Variants in KLF8 observed in about 807,000 individuals in gnomAD.
The protein encoded by KLF8 is Krueppel-like factor 8.
KLF8 carries 10 observed loss-of-function variants against 18.2 expected under a neutral mutation model. That is an observed-to-expected ratio of 0.55 (90% CI 0.34 to 0.93). The LOEUF (loss-of-function observed/expected upper bound fraction) is 0.93. KLF8 is among the 40% of genes least tolerant of loss of function. The pLI, the probability that KLF8 is intolerant of heterozygous loss-of-function variation, is 0.02. For synonymous variants in KLF8, 109 were observed against 97.3 expected (o/e 1.12, Z -0.71); for missense variants, 264 against 277.9 (o/e 0.95, Z 0.36).
chrX:55,919,715 G>C, the KLF8 span, among the ~76,000 whole-genome samples: 2 of 111,300 alleles, frequency 1.8e-5, no homozygotes, highest in Non-Finnish European at 3.8e-5. Context: ...AGCAGCCACA[G>C]CAAGCCCGGC....
chrX:56,005,186 G>A, the KLF8 span, among the ~76,000 whole-genome samples: 2 of 110,565 alleles, frequency 1.8e-5, no homozygotes, highest in South Asian at 7.8e-4. Context: ...GGGATTACAG[G>A]TGGTGGGATT....
the KLF8 span, among the ~76,000 whole-genome samples, chrX:56,200,302 A>G: frequency 9.0e-6 from 1 of 111,143 alleles, no homozygotes; most frequent in African/African-American, 3.3e-5. Context: ...TTAAGAATTA[A>G]AAAAAGGTGA....
At chrX:56,153,686 G>A in the KLF8 span, among the ~76,000 whole-genome samples, 1 of 111,079 alleles carries the variant, frequency 9.0e-6, no homozygotes, top group South Asian at 3.9e-4. Flanking sequence ...AAACCCCATT[G>A]TCTCAGCCCA....
chrX:55,940,070 C>G, the KLF8 span, among the ~76,000 whole-genome samples: 1 of 110,386 alleles, frequency 9.1e-6, no homozygotes, highest in Non-Finnish European at 1.9e-5. Flanking sequence ...AGAGACACAA[C>G]AAAAAAAACA....
chrX:56,152,821 A>C, the KLF8 span, among the ~76,000 whole-genome samples: 1 of 112,306 alleles, frequency 8.9e-6, no homozygotes, highest in African/African-American at 3.2e-5. Flanking sequence ...AGTGTGTACT[A>C]ACAGAGTTAA....
chrX:56,027,229 G>A, the KLF8 span, among the ~76,000 whole-genome samples: 1 of 111,828 alleles, frequency 8.9e-6, no homozygotes. Flanking sequence ...TCAGGTGTTT[G>A]AGGGAGTAGG....
intron 1 of KLF8, among the ~76,000 whole-genome samples, chrX:56,240,781 C>A (rs1263715844): frequency 9.0e-6 from 1 of 111,302 alleles, no homozygotes; most frequent in Admixed American, 9.6e-5. Flanking sequence ...GATTCCAATC[C>A]CAGCTCAATA....
the KLF8 span, among the ~76,000 whole-genome samples, chrX:55,963,980 C>T: frequency 8.1e-5 from 9 of 111,740 alleles, no homozygotes; most frequent in Non-Finnish European, 1.3e-4. Flanking sequence ...TCTCTCAAAA[C>T]TCATAAAATT....
the KLF8 span, among the ~76,000 whole-genome samples, chrX:56,185,541 T>C: frequency 5.7e-3 from 631 of 111,027 alleles, 3 homozygotes; most frequent in Middle Eastern, 0.018. Flanking sequence ...AAGATACTCC[T>C]CGAGAAGAGC....
At chrX:56,276,114 T>C (rs2067118242) in intron 5 of KLF8, among the ~76,000 whole-genome samples, 1 of 110,975 alleles carries the variant, frequency 9.0e-6, no homozygotes, top group South Asian at 3.9e-4. Flanking sequence ...GGTCCTGGGC[T>C]TTCCTTCCTG....
At chrX:56,207,337 A>G in the KLF8 span, among the ~76,000 whole-genome samples, 1,958 of 112,104 alleles carry the variant, frequency 0.017, 37 homozygotes, top group African/African-American at 0.061. Context: ...CAGGCTGCAA[A>G]TTTTTCAAAA....
chrX:56,022,566 A>G, the KLF8 span, among the ~76,000 whole-genome samples: 218 of 105,378 alleles, frequency 2.1e-3, no homozygotes, highest in Non-Finnish European at 3.7e-3. Context: ...AAAAAAAAAA[A>G]AAGAAGAAAA....
chrX:55,908,663 C>T, the KLF8 span: 1 of 287,847 alleles, frequency 3.5e-6, no homozygotes, highest in Non-Finnish European at 6.1e-6. Context: ...CCCATTCCCC[C>T]TAACTCTTCA....
chrX:56,183,938 G>A, the KLF8 span, among the ~76,000 whole-genome samples: 1 of 111,576 alleles, frequency 9.0e-6, no homozygotes, highest in Non-Finnish European at 1.9e-5. Flanking sequence ...CTCCCACCAT[G>A]AGCGATGCAG....
chrX:56,246,463 A>G (rs2066624180), intron 1 of KLF8, among the ~76,000 whole-genome samples: 1 of 112,092 alleles, frequency 8.9e-6, no homozygotes, highest in Non-Finnish European at 1.9e-5. Context: ...TCAACTTGAT[A>G]CATCCTCATA....
chrX:56,270,076 A>C (rs1191442420), intron 4 of KLF8, 106 bp from the exon 5 acceptor site: 1 of 785,874 alleles, frequency 1.3e-6, no homozygotes, highest in Non-Finnish European at 1.8e-6. Flanking sequence ...CATTAAATTC[A>C]CGTAAATTAA....
At chrX:55,984,021 ATG>A in the KLF8 span, among the ~76,000 whole-genome samples, 4 of 108,890 alleles carry the variant, frequency 3.7e-5, no homozygotes, top group African/African-American at 1.3e-4. Flanking sequence ...ATATATATAT[ATG>A]GTGTGTATAT....
At chrX:56,054,797 C>G in the KLF8 span, among the ~76,000 whole-genome samples, 1 of 111,914 alleles carries the variant, frequency 8.9e-6, no homozygotes, top group African/African-American at 3.2e-5. Flanking sequence ...ATATTTATGA[C>G]AGGTCTTCTT....
the KLF8 span, among the ~76,000 whole-genome samples, chrX:56,223,379 A>G: frequency 4.5e-5 from 5 of 112,237 alleles, no homozygotes; most frequent in Non-Finnish European, 9.4e-5. Context: ...TCTTACTCCA[A>G]TTATCATTAA....
Sources: allele counts gnomAD v4.1 joint callset (sites outside exome capture counted in the v4.1 genomes callset), GRCh38; gene constraint gnomAD v4.1.1; transcripts MANE v1.5; gene names NCBI Gene and HGNC (gene_info 2026-07-23, HGNC 2026-07-21).